Variants in RO60 observed in about 807,000 individuals in gnomAD.
RO60 encodes Ro60, Y RNA binding protein.
Under a neutral mutation model 55.3 loss-of-function variants are expected in RO60, and 20 were observed. The ratio of observed to expected loss-of-function variants is 0.36; its 90% CI spans 0.25 to 0.53. The LOEUF (loss-of-function observed/expected upper bound fraction) is 0.53, where lower values mean the gene tolerates loss of function less well. RO60 is among the 20% of genes least tolerant of loss of function. The pLI is 0.92. For missense variants in RO60, 558 were observed against 646.6 expected (o/e 0.86, Z 1.49); for synonymous variants, 213 against 213.6 (o/e 1.00, Z 0.02).
In RO60 at chr1:193,085,519, A is replaced by G; in HGVS notation, c.*788A>G. Reference sequence around the variant, plus strand: ...TGATAATGATTTCCTCTGAATTATAATAACATAGCCAGATGTAGTCTCACA... The same window carrying G: ...TGATAATGATTTCCTCTGAATTATAGTAACATAGCCAGATGTAGTCTCACA... On this transcript the variant is annotated 3_prime_UTR_variant, in exon 9 of 9. Transcript: ENST00000400968. 2.0e-6 allele frequency: 2 copies of G among 985,190 alleles called. No individual in the cohort carries two copies. Among genetic ancestry groups the G allele is most frequent in the Non-Finnish European group, 2.4e-6 (2 of 829,884 alleles). The allele number at this position is 985,190 out of a possible 1,614,324, so 61.0% of individuals were successfully genotyped here.
In RO60 at chr1:193,059,632, C is replaced by G; in HGVS notation, c.-166C>G. Reference sequence around the variant, plus strand: ...GCAGGACTCGTTCCCGGGAACCGAACCTGGAATCCCCGGCGGCAGTGGGGC... The same window carrying G: ...GCAGGACTCGTTCCCGGGAACCGAAGCTGGAATCCCCGGCGGCAGTGGGGC... On this transcript the variant is annotated 5_prime_UTR_variant, in exon 1 of 9. Transcript: ENST00000400968. The surrounding 1 kb of genome is among the most constrained non-coding windows in gnomAD (Gnocchi z 4.9). The G allele has an allele frequency of 7.1e-7, 1 of 1,401,426 alleles. No individual in the cohort carries two copies. The allele number at this position is 1,401,426 out of a possible 1,614,324, so 86.8% of individuals were successfully genotyped here.
chr1:193,078,099 A>G (rs1159413354), intron 5 of RO60, among the ~76,000 whole-genome samples: 1 of 152,226 alleles, frequency 6.6e-6, no homozygotes, highest in Non-Finnish European at 1.5e-5. Context: ...ATAGTACAAC[A>G]TATGACAACC....
chr1:193,087,021 T>A lies in RO60; in HGVS notation c.*2290T>A, dbSNP rs939010054. 1 of 152,124 alleles carries A rather than the reference T, an allele frequency of 6.6e-6. No individual in the cohort carries two copies. Among genetic ancestry groups the A allele is most frequent in the African/African-American group, 2.4e-5 (1 of 41,432 alleles). The allele number at this position is 152,124 out of a possible 1,614,324, so 9.4% of individuals were successfully genotyped here. A position where few individuals can be genotyped will look rare whatever the true frequency, so the allele number is the denominator to read the frequency against. ...TGCCAGAATTTATTTCCCCACAACA[T>A]GGGAATACATGGTCTCAGAAGAGTA... is the stretch of plus-strand genomic sequence containing the variant. On this transcript the variant is annotated 3_prime_UTR_variant, in exon 9 of 9. Transcript: ENST00000400968.
intron 5 of RO60, among the ~76,000 whole-genome samples, chr1:193,077,349 T>G (rs1673994673): frequency 6.6e-6 from 1 of 152,150 alleles, no homozygotes; most frequent in Admixed American, 6.5e-5. Flanking sequence ...ACTGAGTAGT[T>G]TATAAAGAAG....
At chr1:193,060,086 ACTC>A (rs1173591892) in intron 1 of RO60, 9 of 1,264,626 alleles carry the variant, frequency 7.1e-6, no homozygotes, top group African/African-American at 3.1e-5. Flanking sequence ...GGCCTGCTTT[ACTC>A]CTCCTCTTTC....
rs1277071922 is a variant in RO60, at chr1:193,059,931, C to T, written c.-22+155C>T. 7.3e-7 allele frequency: 1 copy of T among 1,366,320 alleles called. No individual in the cohort carries two copies. The highest frequency in any genetic ancestry group is 9.8e-7 in the Non-Finnish European group (1 of 1,021,768). 84.6% of individuals were successfully genotyped at this position (1,366,320 alleles called of 1,614,324 possible). On this transcript the variant is annotated intron_variant, in intron 1 of 8. Transcript: ENST00000400968. This position sits in a 1 kb window ranked among gnomAD's most constrained non-coding sequence, Gnocchi z 4.9. ...CGCTCTTCCCCGTCCCGCTTCCGCG[C>T]CTGTCCACCCTGGGTAACGGAACCA...
chr1:193,060,787 C>T (rs1005978383), intron 1 of RO60, among the ~76,000 whole-genome samples: 5 of 152,170 alleles, frequency 3.3e-5, no homozygotes, highest in African/African-American at 7.2e-5. Flanking sequence ...CTGCCCTCAA[C>T]TTGGAGACTA....
In RO60 at chr1:193,082,682, G is replaced by A. The variant is rs756687638; in HGVS notation, c.1438G>A (p.Ala480Thr). The change falls in exon 8 of 9, where the codon GCT (alanine) becomes ACT (threonine). Residue 480 changes from alanine (A) to threonine (T), a missense_variant. Ala to Thr is a moderately conservative substitution (Grantham distance 58, BLOSUM62 0). Coordinates refer to ENST00000400968, the MANE Select transcript of RO60 (RefSeq NM_001173524.2). ...GACCTTTGCTGGAGGTGTCCATCCT[G>A]CTATTGCTCTGAGGGAGTATCGAAA... ...NETFAGGVHP[A>T]IALREYRKKM... 2.5e-6 allele frequency: 4 copies of A among 1,613,406 alleles called. No individual in the cohort carries two copies. Among genetic ancestry groups the A allele is most frequent in the South Asian group, 1.1e-5 (1 of 91,024 alleles).
chr1:193,067,560 A>G (rs1297871419), intron 1 of RO60, among the ~76,000 whole-genome samples: 3 of 151,982 alleles, frequency 2.0e-5, no homozygotes, highest in Admixed American at 6.6e-5. Flanking sequence ...TATTCAGTAA[A>G]TGCTGGTTTA....
chr1:193,073,934 G>A (rs906070320), intron 2 of RO60, among the ~76,000 whole-genome samples: 3 of 136,984 alleles, frequency 2.2e-5, no homozygotes, highest in African/African-American at 9.0e-5. Context: ...TCCCCTTCCT[G>A]TGTCCATGTG....
intron 2 of RO60, among the ~76,000 whole-genome samples, chr1:193,073,052 A>ATT (rs1673631767): frequency 6.6e-6 from 1 of 152,256 alleles, no homozygotes; most frequent in Admixed American, 6.5e-5. Context: ...TATAACAGAC[A>ATT]AAACAAGTCA....
intron 1 of RO60, among the ~76,000 whole-genome samples, chr1:193,061,470 G>A (rs7554496): frequency 0.19 from 29,121 of 152,198 alleles, 2,957 homozygotes; most frequent in Middle Eastern, 0.26. Context: ...AAGAGACTTT[G>A]GAAGATATTG....
intron 1 of RO60, among the ~76,000 whole-genome samples, chr1:193,063,796 A>T (rs1169565932): frequency 6.6e-6 from 1 of 152,220 alleles, no homozygotes; most frequent in African/African-American, 2.4e-5. Flanking sequence ...TGCCCTGCGG[A>T]CTACAAATTC....
At chr1:193,091,648 T>C (rs1275523423), downstream of RO60, 4 of 1,610,768 alleles carry the variant, frequency 2.5e-6, no homozygotes, top group Non-Finnish European at 3.4e-6. Flanking sequence ...CTCTCCTTTC[T>C]AGCCTTGCAA....
Position 193,085,062 on chromosome 1 carries a change from C to A in RO60, c.*331C>A. On this transcript the variant is annotated 3_prime_UTR_variant, in exon 9 of 9. Transcript: ENST00000400968. Reference sequence around the variant, plus strand: ...AGAGGTAAGAGCAAAAAGTGTAATTCCACATCATGTTACTTGAGAAGTGCT... The same window carrying A: ...AGAGGTAAGAGCAAAAAGTGTAATTACACATCATGTTACTTGAGAAGTGCT... 2.6e-6 allele frequency: 4 copies of A among 1,511,706 alleles called. No homozygotes were observed. The highest frequency in any genetic ancestry group is 1.3e-5 in the South Asian group (1 of 79,038). The allele number at this position is 1,511,706 out of a possible 1,614,324, so 93.6% of individuals were successfully genotyped here.
rs770610521 is a variant in RO60, at chr1:193,069,028, T to C, written c.-21-6T>C. On this transcript the variant is annotated splice_polypyrimidine_tract_variant and splice_region_variant and intron_variant, in intron 1 of 8. Transcript: ENST00000400968. Reference sequence around the variant, plus strand: ...TAGTTGTAATAACATTTTGCCTTTTTGTTAGGTTTCCTAAAGACAAAAAAA... The same window carrying C: ...TAGTTGTAATAACATTTTGCCTTTTCGTTAGGTTTCCTAAAGACAAAAAAA... The C allele has an allele frequency of 3.2e-6, 5 of 1,578,638 alleles. No homozygotes were observed. Among genetic ancestry groups the C allele is most frequent in the Non-Finnish European group, 4.3e-6 (5 of 1,162,028 alleles).
At chr1:193,074,097 T>C (rs1673719220) in intron 2 of RO60, among the ~76,000 whole-genome samples, 3 of 152,210 alleles carry the variant, frequency 2.0e-5, no homozygotes, top group Admixed American at 2.0e-4. Flanking sequence ...TAGTATTCCA[T>C]GGTGTATATG....
At chr1:193,069,687 A>G in intron 2 of RO60, 53 bp downstream of exon 2, 1 of 1,411,476 alleles carries the variant, frequency 7.1e-7, no homozygotes, top group Admixed American at 2.3e-5. Flanking sequence ...TATTCAATAA[A>G]TAGCAAATTT....
At chr1:193,067,090 C>A (rs1220182445) in intron 1 of RO60, among the ~76,000 whole-genome samples, 1 of 151,990 alleles carries the variant, frequency 6.6e-6, no homozygotes, top group Non-Finnish European at 1.5e-5. Flanking sequence ...TACTTTTCTA[C>A]TACAGCACTT....
Sources: allele counts gnomAD v4.1 joint callset (sites outside exome capture counted in the v4.1 genomes callset), GRCh38; gene constraint gnomAD v4.1.1; non-coding constraint Gnocchi (gnomAD v3.1); transcripts MANE v1.5; gene names NCBI Gene and HGNC (gene_info 2026-07-23, HGNC 2026-07-21).